RIPOR3: variants seen among roughly 807,000 people sequenced by gnomAD.
The protein encoded by RIPOR3 is RIPOR family member 3, also known as family with sequence similarity 65 member C.
In RIPOR3, 95 loss-of-function variants were observed where a neutral mutation model predicts 114.3. The observed-to-expected ratio is 0.83, with a 90% CI of 0.70 to 0.99. The LOEUF (loss-of-function observed/expected upper bound fraction) is 0.99, where lower values mean the gene tolerates loss of function less well. RIPOR3 is among the 50% of genes least tolerant of loss of function. The pLI, the probability that RIPOR3 is intolerant of heterozygous loss-of-function variation, is 0.00. For missense variants in RIPOR3, 1,252 were observed against 1,266.9 expected (o/e 0.99, Z 0.18); for synonymous variants, 575 against 543.8 (o/e 1.06, Z -0.80).
intron 1 of RIPOR3, among the ~76,000 whole-genome samples, chr20:50,637,317 G>A (rs1011496217): frequency 2.0e-5 from 3 of 152,046 alleles, no homozygotes; most frequent in Non-Finnish European, 4.4e-5. Context: ...TGCCCTGGCT[G>A]TGTCCTCTGC....
intron 1 of RIPOR3, among the ~76,000 whole-genome samples, chr20:50,632,582 C>T (rs1399146818): frequency 6.6e-6 from 1 of 152,206 alleles, no homozygotes; most frequent in African/African-American, 2.4e-5. Flanking sequence ...GGCTACGAAT[C>T]CATGAACAGC....
At position 50,676,263 on chromosome 20, in the gene RIPOR3, G is replaced by A. The variant is rs192243229; in HGVS notation, c.3+14863C>T. Among the ~76,000 whole-genome samples the A allele has an allele frequency of 9.6e-4, 146 of 152,280 alleles. 1 individual carries two copies. Among genetic ancestry groups the A allele is most frequent in the African/African-American group, 3.3e-3 (136 of 41,548 alleles). ...GAAGGTTGCTGCCCTGAGAGTCAGG[G>A]GAAGTTGGTCTGCCTCCTGCTGTGT... On this transcript the variant is annotated intron_variant, in intron 1 of 21. Transcript: ENST00000327979.
intron 1 of RIPOR3, among the ~76,000 whole-genome samples, chr20:50,647,617 G>A (rs2085454473): frequency 6.6e-6 from 1 of 151,290 alleles, no homozygotes. Context: ...CAAGTAGCTG[G>A]GACTACAGGC....
At chr20:50,628,152 C>G (rs570727933) in intron 2 of RIPOR3, among the ~76,000 whole-genome samples, 1 of 152,198 alleles carries the variant, frequency 6.6e-6, no homozygotes, top group African/African-American at 2.4e-5. Context: ...TTATACTTAA[C>G]CCCCTCTTTG....
At position 50,608,361 on chromosome 20, in the gene RIPOR3, C is replaced by T. The variant is rs75465585; in HGVS notation, c.956+28G>A. The T allele has an allele frequency of 3.0e-3, 4,849 of 1,612,856 alleles. 125 individuals are homozygous for T. In the African/African-American group the frequency reaches 0.057, roughly 19 times the overall value. ...CACCAGGGGCAGCCAGCCAGGCCTCCGCTCTCCCCAGGCTGGACGGGACTC... is the reference window on the plus strand; with the variant it reads ...CACCAGGGGCAGCCAGCCAGGCCTCTGCTCTCCCCAGGCTGGACGGGACTC... On this transcript the variant is annotated intron_variant, in intron 11 of 21. Transcript: ENST00000327979.
At chr20:50,621,120 CAAAA>C (rs75113562) in intron 2 of RIPOR3, 524 of 172,878 alleles carry the variant, frequency 3.0e-3, no homozygotes, top group South Asian at 6.0e-3. Flanking sequence ...AACAGCTTGA[CAAAA>C]AAAAAAAAAA....
chr20:50,604,519 CCT>C, intron 12 of RIPOR3, 124 bp downstream of exon 12: 1 of 1,362,422 alleles, frequency 7.3e-7, no homozygotes, highest in Non-Finnish European at 9.8e-7. Context: ...CCCAGGATCG[CCT>C]CAAACGGAAG....
chr20:50,594,974 T>C (rs913733915), intron 16 of RIPOR3: 47 of 516,152 alleles, frequency 9.1e-5, no homozygotes, highest in Non-Finnish European at 1.6e-4. Flanking sequence ...ACAAGGAACC[T>C]GGCCTTCTGA....
chr20:50,594,647 C>G lies in RIPOR3; in HGVS notation c.2118G>C (p.Arg706Ser), dbSNP rs1224156697. 5 of 1,613,692 alleles carry G rather than the reference C, an allele frequency of 3.1e-6. No individual in the cohort carries two copies. The Admixed American group carries it at 6.7e-5, about 22-fold the overall frequency. ...GCGTCGTGGCAGGGCAGGACAGGAC[C>G]CTGCCAGGCCCTGTGCACCCTCTCC... ...KLWRGCTGPG[R>S]VLSCPATTLL... is the part of the protein sequence containing the mutation. The change falls in exon 17 of 22, where the codon AGG becomes AGC. Residue 706 changes from arginine (R) to serine (S), a missense_variant. Transcript: ENST00000327979.
chr20:50,636,649 A>C (rs781612415), intron 1 of RIPOR3: 8 of 985,512 alleles, frequency 8.1e-6, no homozygotes, highest in Non-Finnish European at 9.6e-6. Context: ...CCTGGCACTT[A>C]GAACTGATGC....
rs1339409366 is a variant in RIPOR3 at position 50,630,742 on chromosome 20, T to C, written c.118A>G (p.Ile40Val). 1 of 1,606,840 alleles carries C rather than the reference T, an allele frequency of 6.2e-7. No individual in the cohort carries two copies. The highest frequency in any genetic ancestry group is 8.5e-7 in the Non-Finnish European group (1 of 1,176,588). ...AGFSSAQSRR[I>V]AKSINRNSVR... ...CAGGACACGGGGGGAACTTACGCGATCCTCCGGCTCTGTGCACTGCTGAAG... is the reference window on the plus strand; with the variant it reads ...CAGGACACGGGGGGAACTTACGCGACCCTCCGGCTCTGTGCACTGCTGAAG... Residue 40 changes from isoleucine to valine, a missense_variant, in exon 2 of 22, where the codon ATC (isoleucine) becomes GTC (valine). By Grantham distance (29) the Ile-to-Val change is conservative. Coordinates refer to ENST00000327979, the MANE Select transcript of RIPOR3 (RefSeq NM_001290268.2).
At chr20:50,609,200 G>T in intron 8 of RIPOR3, 93 bp downstream of exon 8, 1 of 1,483,406 alleles carries the variant, frequency 6.7e-7, no homozygotes, top group South Asian at 1.3e-5. Flanking sequence ...GCTGGGCTCA[G>T]ACCCCTGGGA....
chr20:50,616,868 C>CAT, intron 3 of RIPOR3, among the ~76,000 whole-genome samples: 1 of 152,270 alleles, frequency 6.6e-6, no homozygotes, highest in Middle Eastern at 3.4e-3. Context: ...CTAGGCCGGG[C>CAT]GCCGTGGCTG....
At chr20:50,639,228 C>T (rs1325223968) in intron 1 of RIPOR3, among the ~76,000 whole-genome samples, 2 of 150,460 alleles carry the variant, frequency 1.3e-5, no homozygotes, top group East Asian at 1.9e-4. Context: ...GGTGACAGAG[C>T]GAGACTCCAA....
intron 2 of RIPOR3, among the ~76,000 whole-genome samples, chr20:50,628,299 A>C (rs1319054980): frequency 6.6e-6 from 1 of 152,014 alleles, no homozygotes; most frequent in African/African-American, 2.4e-5. Context: ...TGGGGCATCA[A>C]CTTAAACCCT....
At chr20:50,671,426 GCGCACA>G (rs72272973) in intron 1 of RIPOR3, among the ~76,000 whole-genome samples, 1,341 of 112,590 alleles carry the variant, frequency 0.012, 7 homozygotes, top group Middle Eastern at 0.012. Flanking sequence ...GCACGCGCGC[GCGCACA>G]CACACACACA....
chr20:50,649,581 C>G (rs926892589), intron 1 of RIPOR3, among the ~76,000 whole-genome samples: 2 of 152,172 alleles, frequency 1.3e-5, no homozygotes, highest in African/African-American at 4.8e-5. Flanking sequence ...GCCCAGCCTG[C>G]CTGTCCCCCA....
intron 21 of RIPOR3, among the ~76,000 whole-genome samples, 178 bp from the exon 22 acceptor site, chr20:50,587,510 T>C (rs1218035179): frequency 6.6e-6 from 1 of 152,206 alleles, no homozygotes; most frequent in Non-Finnish European, 1.5e-5. Context: ...CTGGGGGCCT[T>C]GTCTTTACCT....
chr20:50,623,782 G>A (rs866451383), intron 2 of RIPOR3, among the ~76,000 whole-genome samples: 3 of 152,188 alleles, frequency 2.0e-5, no homozygotes, highest in Admixed American at 6.6e-5. Context: ...CCAGGAGCTC[G>A]CTAAGGGCTT....
Sources: allele counts gnomAD v4.1 joint callset (sites outside exome capture counted in the v4.1 genomes callset), GRCh38; gene constraint gnomAD v4.1.1; transcripts MANE v1.5; gene names NCBI Gene and HGNC (gene_info 2026-07-23, HGNC 2026-07-21).